FHIT: variants seen among roughly 807,000 people sequenced by gnomAD.
FHIT encodes bis(5'-adenosyl)-triphosphatase.
In FHIT, 19 loss-of-function variants were observed where a neutral mutation model predicts 17.9. The observed-to-expected ratio is 1.06, with a 90% CI of 0.74 to 1.56. The LOEUF is 1.56. Among genes scored for constraint, FHIT ranks in the 40% most tolerant of loss-of-function variants. The pLI is 0.00. For missense variants in FHIT, 248 were observed against 189.2 expected, an observed-to-expected ratio of 1.31 and a Z score of -1.82; for synonymous variants, 81 against 69.7, an observed-to-expected ratio of 1.16 and a Z score of -0.81.
chr3:59,785,496 A>C (rs1702805313), intron 8 of FHIT, among the ~76,000 whole-genome samples: 1 of 151,968 alleles, frequency 6.6e-6, no homozygotes, highest in Non-Finnish European at 1.5e-5. Flanking sequence ...TTTTTGGTAG[A>C]CGTGGGGTTT....
At chr3:60,440,161 G>A (rs1244140576) in intron 5 of FHIT, among the ~76,000 whole-genome samples, 3 of 151,992 alleles carry the variant, frequency 2.0e-5, no homozygotes, top group Non-Finnish European at 4.4e-5. Context: ...TAGGCTTCTT[G>A]GAATGATTTC....
At chr3:60,458,178 C>A (rs1254594995) in intron 5 of FHIT, among the ~76,000 whole-genome samples, 1 of 152,084 alleles carries the variant, frequency 6.6e-6, no homozygotes, top group African/African-American at 2.4e-5. Flanking sequence ...GACTTGGAAC[C>A]AACCCAAATG....
At chr3:60,341,980 T>A (rs749735204) in intron 5 of FHIT, among the ~76,000 whole-genome samples, 22 of 152,012 alleles carry the variant, frequency 1.4e-4, no homozygotes, top group Non-Finnish European at 2.5e-4. Context: ...AATTGGAATT[T>A]ATTGGGTGAA....
At chr3:59,882,341 T>A (rs1181856124) in intron 8 of FHIT, among the ~76,000 whole-genome samples, 1 of 152,158 alleles carries the variant, frequency 6.6e-6, no homozygotes, top group African/African-American at 2.4e-5. Flanking sequence ...CCTCACATCT[T>A]CAATTAGCTG....
chr3:59,879,027 A>C, intron 8 of FHIT, among the ~76,000 whole-genome samples: 1 of 152,112 alleles, frequency 6.6e-6, no homozygotes, highest in East Asian at 1.9e-4. Context: ...AAAAAAGAAG[A>C]AGAAGAAAGG....
chr3:61,131,394 A>C (rs1024911352), intron 2 of FHIT, among the ~76,000 whole-genome samples: 8 of 152,336 alleles, frequency 5.3e-5, no homozygotes, highest in East Asian at 1.9e-4. Context: ...ATGGGCTAGC[A>C]TCCATCTTTG....
At chr3:60,950,691 T>A (rs988939127) in intron 3 of FHIT, among the ~76,000 whole-genome samples, 9 of 151,818 alleles carry the variant, frequency 5.9e-5, no homozygotes, top group South Asian at 2.1e-4. Flanking sequence ...TAATTTTTTT[T>A]TTTTTATTTT....
At chr3:61,147,889 T>C (rs2037272577) in intron 2 of FHIT, among the ~76,000 whole-genome samples, 1 of 152,014 alleles carries the variant, frequency 6.6e-6, no homozygotes, top group Non-Finnish European at 1.5e-5. Flanking sequence ...CATTATCATT[T>C]GGCCAGTATA....
intron 5 of FHIT, among the ~76,000 whole-genome samples, chr3:60,139,983 A>G (rs572314108): frequency 1.9e-4 from 29 of 152,128 alleles, no homozygotes; most frequent in Non-Finnish European, 3.7e-4. Flanking sequence ...TTAGCCGGGC[A>G]TGGTGACACA....
chr3:61,202,709 G>A (rs1408574196), intron 1 of FHIT, among the ~76,000 whole-genome samples: 1 of 151,542 alleles, frequency 6.6e-6, no homozygotes, highest in Non-Finnish European at 1.5e-5. Flanking sequence ...ACCAGAGAGG[G>A]AAAAAAAAGA....
intron 8 of FHIT, among the ~76,000 whole-genome samples, chr3:59,814,462 A>C (rs1423064283): frequency 3.3e-5 from 5 of 152,208 alleles, no homozygotes; most frequent in Admixed American, 1.3e-4. Flanking sequence ...GATAAAGCTT[A>C]AGTTTTTGGT....
At chr3:61,036,998 G>A (rs530849113) in intron 3 of FHIT, among the ~76,000 whole-genome samples, 4 of 148,672 alleles carry the variant, frequency 2.7e-5, no homozygotes, top group Admixed American at 1.4e-4. Flanking sequence ...TGCAAGCTCC[G>A]CCTCCCGAGT....
intron 8 of FHIT, among the ~76,000 whole-genome samples, chr3:59,868,728 C>T (rs1326211040): frequency 2.0e-5 from 3 of 152,198 alleles, no homozygotes; most frequent in Non-Finnish European, 4.4e-5. Flanking sequence ...ATTGGGCTGA[C>T]TTCCTGTTCA....
chr3:60,860,992 C>T (rs1358212253), intron 3 of FHIT, among the ~76,000 whole-genome samples: 1 of 96,996 alleles, frequency 1.0e-5, no homozygotes, highest in African/African-American at 3.6e-5. Flanking sequence ...TACATATATA[C>T]GTATATATCC....
chr3:61,094,151 TC>T (rs1210683768), intron 2 of FHIT, among the ~76,000 whole-genome samples: 2 of 152,170 alleles, frequency 1.3e-5, no homozygotes, highest in African/African-American at 4.8e-5. Flanking sequence ...TGTGTATTTT[TC>T]TCTGAAGAGG....
intron 1 of FHIT, among the ~76,000 whole-genome samples, chr3:61,210,612 G>A (rs934802235): frequency 6.6e-5 from 10 of 152,204 alleles, no homozygotes; most frequent in African/African-American, 1.9e-4. Context: ...AGCCATGTGC[G>A]GTATATAATC....
At chr3:60,608,078 C>T (rs1312192183) in intron 4 of FHIT, among the ~76,000 whole-genome samples, 2 of 152,208 alleles carry the variant, frequency 1.3e-5, no homozygotes, top group African/African-American at 4.8e-5. Flanking sequence ...AGCACTCTGC[C>T]TCTTTCTGAT....
At chr3:61,217,868 A>T (rs1005251050) in intron 1 of FHIT, among the ~76,000 whole-genome samples, 1 of 152,218 alleles carries the variant, frequency 6.6e-6, no homozygotes, top group East Asian at 1.9e-4. Flanking sequence ...ACTAAATATG[A>T]TTTTTAAAAT....
intron 5 of FHIT, among the ~76,000 whole-genome samples, chr3:60,311,325 T>C (rs1708935252): frequency 6.6e-6 from 1 of 152,074 alleles, no homozygotes; most frequent in African/African-American, 2.4e-5. Context: ...GCTGTGTCCT[T>C]GAGTTTAGAT....
Sources: gnomAD v4.1 joint callset for allele counts (sites outside exome capture counted in the v4.1 genomes callset) on GRCh38, gnomAD v4.1.1 for gene constraint, MANE v1.5 for transcripts, NCBI Gene and HGNC (gene_info 2026-07-23, HGNC 2026-07-21) for gene names.